The following PLS1 variants were observed in gnomAD, a reference collection of about 807,000 sequenced individuals.
The protein encoded by PLS1 is plastin-1.
Under a neutral mutation model 73.7 loss-of-function variants are expected in PLS1, and 32 were observed. The ratio of observed to expected loss-of-function variants is 0.43; its 90% CI spans 0.33 to 0.58. The LOEUF is 0.58. Among genes scored for constraint, PLS1 ranks in the 20% least tolerant of loss-of-function variants. PLS1 has a pLI of 0.04. For missense variants in PLS1, 633 were observed against 740.5 expected (o/e 0.85, Z 1.68); for synonymous variants, 217 against 261.3 (o/e 0.83, Z 1.63).
At chr3:142,599,323 CTTTTTTTTTTTTT>C (rs869303176) in intron 1 of PLS1, among the ~76,000 whole-genome samples, 5 of 44,208 alleles carry the variant, frequency 1.1e-4, no homozygotes, top group Admixed American at 2.8e-4. Context: ...CTCAGATATT[CTTTTTTTTTTTTT>C]TTTTTTTTTT....
chr3:142,645,767 C>A (rs2036940305), intron 1 of PLS1, among the ~76,000 whole-genome samples: 1 of 152,104 alleles, frequency 6.6e-6, no homozygotes, highest in African/African-American at 2.4e-5. Context: ...AAAATAGGAA[C>A]AAGGTACTTT....
At chr3:142,626,112 A>G (rs1003278041) in intron 1 of PLS1, among the ~76,000 whole-genome samples, 1 of 152,244 alleles carries the variant, frequency 6.6e-6, no homozygotes, top group African/African-American at 2.4e-5. Context: ...AGGGGAGCTC[A>G]TAGAGATTGT....
In PLS1 at chr3:142,621,088, G is replaced by A. The variant is rs528478088; in HGVS notation, c.-37+24579G>A. On this transcript the variant is annotated intron_variant, in intron 1 of 15. Transcript: ENST00000457734. ...ACACTTGGCCCTGATCAGTGGCTTG[G>A]CACCATATCTTTTTCTACATAGTTG... is the stretch of plus-strand genomic sequence containing the variant. 6.2e-4 allele frequency among the ~76,000 whole-genome samples: 95 copies of A among 152,134 alleles called. 2 individuals carry two copies. The South Asian group carries it at 0.02, about 31-fold the overall frequency.
chr3:142,628,186 A>T (rs1023444067), intron 1 of PLS1, among the ~76,000 whole-genome samples: 1 of 152,130 alleles, frequency 6.6e-6, no homozygotes, highest in Non-Finnish European at 1.5e-5. Context: ...TTTTGAAAGG[A>T]ACATGGAACT....
At chr3:142,602,894 C>T (rs1355483037) in intron 1 of PLS1, among the ~76,000 whole-genome samples, 1 of 152,110 alleles carries the variant, frequency 6.6e-6, no homozygotes, top group African/African-American at 2.4e-5. Context: ...ACCATGTTGG[C>T]CAGGCTGGTC....
intron 1 of PLS1, among the ~76,000 whole-genome samples, chr3:142,651,037 G>T (rs550704659): frequency 1.3e-5 from 2 of 152,318 alleles, no homozygotes; most frequent in African/African-American, 4.8e-5. Context: ...GGAATATGAT[G>T]AGTGGTATAA....
chr3:142,665,803 T>A (rs1577862044), intron 2 of PLS1, among the ~76,000 whole-genome samples: 4 of 41,818 alleles, frequency 9.6e-5, no homozygotes. Context: ...GATGGAACAA[T>A]TTTTTTTTTT....
chr3:142,619,353 A>G (rs2036274390), intron 1 of PLS1: 1 of 152,082 alleles, frequency 6.6e-6, no homozygotes, highest in Non-Finnish European at 1.5e-5. Flanking sequence ...CTGCTTCCGC[A>G]CCTTTGTTCA....
At chr3:142,625,204 A>G (rs938677562) in intron 1 of PLS1, among the ~76,000 whole-genome samples, 2 of 152,066 alleles carry the variant, frequency 1.3e-5, no homozygotes, top group African/African-American at 4.8e-5. Flanking sequence ...GCAGAAACAA[A>G]CCTCTTAAAC....
intron 1 of PLS1, among the ~76,000 whole-genome samples, chr3:142,662,664 A>G (rs1313681528): frequency 6.6e-6 from 1 of 152,252 alleles, no homozygotes. Context: ...AACATGGAGA[A>G]GAACAAAGAT....
chr3:142,650,211 C>CTTTTTTTTTTTTTTTTTT (rs1171297517), intron 1 of PLS1, among the ~76,000 whole-genome samples: 1 of 70,908 alleles, frequency 1.4e-5, no homozygotes, highest in Admixed American at 2.0e-4. Flanking sequence ...GCTTCTTCTT[C>CTTTTTTTTTTTTTTTTTT]TTTTTTTTTT....
intron 1 of PLS1, among the ~76,000 whole-genome samples, chr3:142,649,089 A>T (rs1671764857): frequency 6.6e-6 from 1 of 152,136 alleles, no homozygotes; most frequent in Admixed American, 6.5e-5. Flanking sequence ...TTGCAGCTAG[A>T]TTGCCCTGCC....
intron 1 of PLS1, among the ~76,000 whole-genome samples, chr3:142,608,185 C>G (rs2036058053): frequency 6.6e-6 from 1 of 152,044 alleles, no homozygotes; most frequent in African/African-American, 2.4e-5. Context: ...AATTCAGTTG[C>G]CTCTGGAAGA....
In PLS1 at chr3:142,686,379, G is replaced by A; in HGVS notation, c.981+3G>A. ...CCATTGACCTTTCAGGAATTAATGT[G>A]AGTGCAATTTTTAACTTTTAAAATA... On this transcript the variant is annotated splice_donor_region_variant and intron_variant, in intron 9 of 15. Transcript: ENST00000457734. 1 of 1,549,968 alleles carries A rather than the reference G, an allele frequency of 6.5e-7. No homozygotes were observed. The highest frequency in any genetic ancestry group is 8.9e-7 in the Non-Finnish European group (1 of 1,121,804).
intron 10 of PLS1, among the ~76,000 whole-genome samples, chr3:142,690,847 C>G (rs2038070888): frequency 6.6e-6 from 1 of 152,160 alleles, no homozygotes; most frequent in African/African-American, 2.4e-5. Flanking sequence ...TACCAACACC[C>G]ACATTAGTAT....
Position 142,664,217 on chromosome 3 carries a change from G to T in PLS1, c.-21G>T. 2 of 1,430,280 alleles carry T rather than the reference G, an allele frequency of 1.4e-6. No homozygotes were observed. Among genetic ancestry groups the T allele is most frequent in the Non-Finnish European group, 1.9e-6 (2 of 1,031,106 alleles). The allele number at this position is 1,430,280 out of a possible 1,614,324, so 88.6% of individuals were successfully genotyped here. A position where few individuals can be genotyped will look rare whatever the true frequency, so the allele number is the denominator to read the frequency against. On this transcript the variant is annotated 5_prime_UTR_variant, in exon 2 of 16. Transcript: ENST00000457734. The stretch of plus-strand genomic sequence containing the variant: ...CTTTTTCTAGATATAAAGACCTGAA[G>T]ATAGTCTTTTCTGTCCAAAGATGGA...
At chr3:142,653,387 G>T (rs1243263020) in intron 1 of PLS1, among the ~76,000 whole-genome samples, 40 of 146,908 alleles carry the variant, frequency 2.7e-4, no homozygotes, top group African/African-American at 9.8e-4. Flanking sequence ...TTTTGAGATG[G>T]TCTGGCTCTG....
chr3:142,668,560 G>C (rs1038922214), intron 2 of PLS1, among the ~76,000 whole-genome samples: 1 of 151,814 alleles, frequency 6.6e-6, no homozygotes, highest in African/African-American at 2.4e-5. Context: ...TAAAGTCTGA[G>C]TGGGTGCTCC....
intron 1 of PLS1, among the ~76,000 whole-genome samples, chr3:142,657,670 A>G (rs546341210): frequency 6.6e-6 from 1 of 152,080 alleles, no homozygotes; most frequent in African/African-American, 2.4e-5. Context: ...TTGTATTTTT[A>G]GTAGAGACGG....
Sources: gnomAD v4.1 joint callset for allele counts (sites outside exome capture counted in the v4.1 genomes callset) on GRCh38, gnomAD v4.1.1 for gene constraint, MANE v1.5 for transcripts, NCBI Gene and HGNC (gene_info 2026-07-23, HGNC 2026-07-21) for gene names.